The following HLTF variants were observed in gnomAD, a reference collection of about 807,000 sequenced individuals.
The protein encoded by HLTF is helicase like transcription factor, also known as DNA-dependent ATPase/E3 ubiquitin-protein ligase HLTF.
In HLTF, 127 loss-of-function variants were observed where a neutral mutation model predicts 129.4. The observed-to-expected ratio is 0.98, with a 90% CI of 0.85 to 1.14. HLTF has a LOEUF of 1.14. Among genes scored for constraint, HLTF ranks in the 50% most tolerant of loss-of-function variants. HLTF has a pLI of 0.00. For synonymous variants in HLTF, 332 were observed against 388.8 expected (o/e 0.85, Z 1.72); for missense variants, 1,139 against 1,187.1 (o/e 0.96, Z 0.60).
Position 149,084,774 on chromosome 3 carries a change from C to G in HLTF, c.136G>C (p.Asp46His). 2 of 1,614,096 alleles carry G rather than the reference C, an allele frequency of 1.2e-6. No homozygotes were observed. The highest frequency in any genetic ancestry group is 1.7e-6 in the Non-Finnish European group (2 of 1,179,972). ...TCTTCATCACTAGTTAGAAAGTCAT[C>G]TGGAGGGATAACATCTTGGAATTCA... ...RFEFQDVIPP[D>H]DFLTSDEEVD... Residue 46 changes from aspartate to histidine, a missense_variant, in exon 2 of 25, where the codon GAT becomes CAT. Asp to His is a moderately conservative substitution (Grantham distance 81). Transcript: ENST00000310053.
In HLTF at chr3:149,039,127, A is replaced by G. The variant is rs766714795; in HGVS notation, c.2718T>C (p.Thr906=). 2 of 1,612,692 alleles carry G rather than the reference A, an allele frequency of 1.2e-6. No homozygotes were observed. Among genetic ancestry groups the G allele is most frequent in the African/African-American group, 2.7e-5 (2 of 74,836 alleles). The change falls in exon 23 of 25, where the codon ACT becomes ACC. Residue 906 remains threonine, a synonymous_variant. Transcript: ENST00000310053. ...CFQNTEAGSP[T]IMLLSLKAGG... Reference sequence around the variant, plus strand: ...CTGCTTTTAAGGACAGAAGCATTATAGTTGGAGATCCTGCTTCAGTGTTTT... The same window carrying G: ...CTGCTTTTAAGGACAGAAGCATTATGGTTGGAGATCCTGCTTCAGTGTTTT...
rs2107933849 is a variant in HLTF, at chr3:149,031,434, ATATC to A, written c.*782_*785del. Reference sequence around the variant, plus strand: ...AAATAAAAATTATCTATTTATAGAAATATCTATTTAGCAGTTCCATAATTTAAAA... The same window carrying A: ...AAATAAAAATTATCTATTTATAGAAATATTTAGCAGTTCCATAATTTAAAA... On this transcript the variant is annotated 3_prime_UTR_variant, in exon 25 of 25. Transcript: ENST00000310053. 1 of 152,744 alleles carries A rather than the reference ATATC, an allele frequency of 6.5e-6. No homozygotes were observed. The allele number at this position is 152,744 out of a possible 1,614,324, so 9.5% of individuals were successfully genotyped here.
At chr3:149,077,928 A>G (rs1719523620) in intron 2 of HLTF, among the ~76,000 whole-genome samples, 3 of 152,112 alleles carry the variant, frequency 2.0e-5, no homozygotes, top group Admixed American at 2.0e-4. Flanking sequence ...GTGACCACAC[A>G]CGATAAAGGA....
At chr3:149,065,058 G>T (rs1718239423) in intron 8 of HLTF, among the ~76,000 whole-genome samples, 192 bp from the exon 9 acceptor site, 1 of 151,070 alleles carries the variant, frequency 6.6e-6, no homozygotes, top group African/African-American at 2.4e-5. Flanking sequence ...TTTTTTCACG[G>T]GTTATCTCAA....
intron 9 of HLTF, among the ~76,000 whole-genome samples, chr3:149,064,589 A>C (rs1181091359): frequency 6.6e-6 from 1 of 152,096 alleles, no homozygotes; most frequent in Non-Finnish European, 1.5e-5. Context: ...ATACTACCCA[A>C]TTCAATCATC....
intron 13 of HLTF, among the ~76,000 whole-genome samples, chr3:149,058,151 G>C (rs771806209): frequency 2.0e-5 from 3 of 152,182 alleles, no homozygotes; most frequent in Non-Finnish European, 2.9e-5. Flanking sequence ...AGGCTGGAAT[G>C]CAGTGGCGCT....
In HLTF at chr3:149,086,260, T is replaced by C. The variant is rs1201503920; in HGVS notation, c.20+57A>G. ...AGGAACGCGGGGAAGGTCAGGTTCA[T>C]TTGGGGACGCCTCCAGGCCGTTAGA... On this transcript the variant is annotated intron_variant, in intron 1 of 24. Coordinates refer to ENST00000310053, the MANE Select transcript of HLTF (RefSeq NM_003071.4). 93 of 1,558,848 alleles carry C rather than the reference T, an allele frequency of 6.0e-5. No homozygotes were observed. The East Asian group carries it at 2.0e-3, about 34-fold the overall frequency.
intron 21 of HLTF, 30 bp downstream of exon 21, chr3:149,039,997 CAAAT>C (rs1465853245): frequency 6.4e-7 from 1 of 1,573,742 alleles, no homozygotes; most frequent in Non-Finnish European, 8.6e-7. Context: ...AAAGGTAAAA[CAAAT>C]ACTCAAATAT....
At chr3:149,055,671 T>A (rs1717370675) in intron 13 of HLTF, among the ~76,000 whole-genome samples, 1 of 152,218 alleles carries the variant, frequency 6.6e-6, no homozygotes, top group Non-Finnish European at 1.5e-5. Context: ...TAGTCATTCA[T>A]TAAGACGAAC....
chr3:149,061,027 C>A (rs1379522820), intron 10 of HLTF, among the ~76,000 whole-genome samples, 169 bp from the exon 11 acceptor site: 1 of 152,152 alleles, frequency 6.6e-6, no homozygotes, highest in Non-Finnish European at 1.5e-5. Context: ...AAGCATTCTG[C>A]TTTCATAACC....
rs971804047 is a variant in HLTF, at chr3:149,031,553, T to C, written c.*667A>G. The C allele has an allele frequency of 6.6e-6, 1 of 152,574 alleles. No individual in the cohort carries two copies. The highest frequency in any genetic ancestry group is 1.5e-5 in the Non-Finnish European group (1 of 68,018). 9.5% of individuals were successfully genotyped at this position (152,574 alleles called of 1,614,324 possible). On this transcript the variant is annotated 3_prime_UTR_variant, in exon 25 of 25. Transcript: ENST00000310053. ...GACACAGCAAGTTACATTTAAACAA[T>C]GAGTGTAGTACTACTTAACTAAAAT...
intron 10 of HLTF, chr3:149,062,933 T>C (rs1290196540): frequency 2.8e-6 from 1 of 352,332 alleles, no homozygotes; most frequent in East Asian, 7.3e-5. Context: ...AGTATCATTC[T>C]TCTTCATCTG....
intron 23 of HLTF, among the ~76,000 whole-genome samples, chr3:149,037,775 ACAG>A (rs1236090408): frequency 6.6e-6 from 1 of 152,200 alleles, no homozygotes; most frequent in Non-Finnish European, 1.5e-5. Flanking sequence ...ATGCACAGAA[ACAG>A]CAGAGGGTTG....
At chr3:149,052,739 G>A (rs1338019681) in intron 14 of HLTF, among the ~76,000 whole-genome samples, 1 of 152,158 alleles carries the variant, frequency 6.6e-6, no homozygotes, top group Non-Finnish European at 1.5e-5. Context: ...TAGAAATTTG[G>A]TAAAGAAGAA....
chr3:149,057,095 G>A (rs867484718), intron 13 of HLTF, among the ~76,000 whole-genome samples: 1 of 101,344 alleles, frequency 9.9e-6, no homozygotes, highest in Non-Finnish European at 1.9e-5. Context: ...GGGCGACAGC[G>A]AGACTCCGTC....
At chr3:149,033,096 C>G (rs1715272916) in intron 24 of HLTF, among the ~76,000 whole-genome samples, 1 of 151,792 alleles carries the variant, frequency 6.6e-6, no homozygotes, top group Admixed American at 6.6e-5. Flanking sequence ...TAAAATACCC[C>G]AACTAGGAAT....
At chr3:149,032,987 A>G (rs1463354384) in intron 24 of HLTF, among the ~76,000 whole-genome samples, 2 of 149,964 alleles carry the variant, frequency 1.3e-5, no homozygotes, top group African/African-American at 4.9e-5. Context: ...ACAAAAAACT[A>G]TTCCCAGAAA....
chr3:149,081,935 T>G (rs933887991), intron 2 of HLTF, among the ~76,000 whole-genome samples: 4 of 152,158 alleles, frequency 2.6e-5, no homozygotes, highest in Non-Finnish European at 5.9e-5. Flanking sequence ...TTCCAGAAAA[T>G]TACAGTTACA....
chr3:149,032,949 C>T (rs1419106095), intron 24 of HLTF, among the ~76,000 whole-genome samples: 5 of 123,962 alleles, frequency 4.0e-5, no homozygotes, highest in East Asian at 2.1e-4. Flanking sequence ...GGTGACAGAG[C>T]GACGTCTCAA....
Sources: allele counts gnomAD v4.1 joint callset (sites outside exome capture counted in the v4.1 genomes callset), GRCh38; gene constraint gnomAD v4.1.1; transcripts MANE v1.5; gene names NCBI Gene and HGNC (gene_info 2026-07-23, HGNC 2026-07-21).